KCTD7: variants seen among roughly 807,000 people sequenced by gnomAD.
KCTD7 encodes the protein potassium channel tetramerization domain containing 7.
In KCTD7, 15 loss-of-function variants were observed where a neutral mutation model predicts 27.0. The observed-to-expected ratio is 0.56, with a 90% confidence interval of 0.37 to 0.86. The LOEUF is 0.86. Among genes scored for constraint, KCTD7 ranks in the 40% least tolerant of loss-of-function variants. The pLI is 0.00. For synonymous variants in KCTD7, 159 were observed against 162.7 expected, an observed-to-expected ratio of 0.98 and a Z score of 0.17; for missense variants, 299 against 398.9, an observed-to-expected ratio of 0.75 and a Z score of 2.13.
intron 1 of KCTD7, among the ~76,000 whole-genome samples, chr7:66,632,393 A>G (rs983646750): frequency 6.6e-6 from 1 of 151,318 alleles, no homozygotes; most frequent in African/African-American, 2.4e-5. Context: ...AGGCTGAGGC[A>G]GGAGAATGGT....
At chr7:66,633,804 A>C (rs1786510558) in intron 2 of KCTD7, among the ~76,000 whole-genome samples, 1 of 151,884 alleles carries the variant, frequency 6.6e-6, no homozygotes, top group Admixed American at 6.6e-5. Context: ...TCATTACAGC[A>C]TGGTGAAACC....
chr7:66,630,719 AT>A (rs1215931973), intron 1 of KCTD7, among the ~76,000 whole-genome samples: 1 of 152,194 alleles, frequency 6.6e-6, no homozygotes, highest in Non-Finnish European at 1.5e-5. Context: ...CAGTGGTGCT[AT>A]TTTTTTGTGC....
rs961424846 is a variant in KCTD7 at position 66,641,113 on chromosome 7, G to C, written c.*1881G>C. The C allele has an allele frequency of 2.0e-6, 2 of 985,396 alleles. No individual in the cohort carries two copies. The highest frequency in any genetic ancestry group is 2.4e-6 in the Non-Finnish European group (2 of 829,926). 61.0% of individuals were successfully genotyped at this position (985,396 alleles called of 1,614,324 possible). A position where few individuals can be genotyped will look rare whatever the true frequency, so the allele number is the denominator to read the frequency against. On this transcript the variant is annotated 3_prime_UTR_variant, in exon 4 of 4. Coordinates refer to ENST00000639828, the MANE Select transcript of KCTD7 (RefSeq NM_153033.5). ...TGGATACTGAGATCTAAGAGGAAAGGATAGTCATTCACGTTCTGAGATATG... is the reference window on the plus strand; with the variant it reads ...TGGATACTGAGATCTAAGAGGAAAGCATAGTCATTCACGTTCTGAGATATG...
At position 66,629,214 on chromosome 7, in the gene KCTD7, CGGGCGGGCGGCGGGCCGCGGGGCGTG is replaced by C; in HGVS notation, c.144+10_144+35del. ...TGCCCCTGCTGCCACAGGAGGTACC[CGGGCGGGCGGCGGGCCGCGGGGCGTG>C]GGGAGGGGCGCGGGGGAGAAGCGGG... On this transcript the variant is annotated splice_region_variant and intron_variant, in intron 1 of 3. Coordinates refer to ENST00000639828, the MANE Select transcript of KCTD7 (RefSeq NM_153033.5). 8.2e-7 allele frequency: 1 copy of C among 1,223,694 alleles called. No homozygotes were observed. Among genetic ancestry groups the C allele is most frequent in the Non-Finnish European group, 1.0e-6 (1 of 968,428 alleles). 75.8% of individuals were successfully genotyped at this position (1,223,694 alleles called of 1,614,324 possible). A position where few individuals can be genotyped will look rare whatever the true frequency, so the allele number is the denominator to read the frequency against.
intron 1 of KCTD7, among the ~76,000 whole-genome samples, chr7:66,629,970 A>G (rs146561940): frequency 6.6e-6 from 1 of 152,156 alleles, no homozygotes; most frequent in Admixed American, 6.5e-5. Flanking sequence ...CTGAAATGAC[A>G]CTCAAGAGAC....
At chr7:66,636,586 G>A (rs1244474057) in intron 2 of KCTD7, among the ~76,000 whole-genome samples, 2 of 151,802 alleles carry the variant, frequency 1.3e-5, no homozygotes, top group Non-Finnish European at 2.9e-5. Flanking sequence ...TCTTCCGCAC[G>A]TACGGGTGAT....
In KCTD7 at chr7:66,642,664, T is replaced by A; in HGVS notation, c.*3432T>A. On this transcript the variant is annotated 3_prime_UTR_variant, in exon 4 of 4. Coordinates refer to ENST00000639828, the MANE Select transcript of KCTD7 (RefSeq NM_153033.5). ...TAAGCTTTCTTGGGTACTATTTTGC[T>A]GGGGCTCTTGCGTGAAGGTGGTACC... is the stretch of plus-strand genomic sequence containing the variant. 12 of 985,434 alleles carry A rather than the reference T, an allele frequency of 1.2e-5. No individual in the cohort carries two copies. Among genetic ancestry groups the A allele is most frequent in the Non-Finnish European group, 1.4e-5 (12 of 829,936 alleles). The allele number at this position is 985,434 out of a possible 1,614,324, so 61.0% of individuals were successfully genotyped here.
Position 66,638,991 on chromosome 7 carries a change from T to C in KCTD7, c.629T>C (p.Leu210Pro). Residue 210 changes from leucine to proline, a missense_variant, in exon 4 of 4, where the codon CTG becomes CCG. Transcript: ENST00000639828. ...TPYECPLLNSLRFERSESDGQ... is the reference protein window; with the variant it reads ...TPYECPLLNSPRFERSESDGQ... ...TATGAGTGTCCGCTCCTCAACTCCCTGCGATTTGAGCGGAGTGAGAGTGAC... is the reference window on the plus strand; with the variant it reads ...TATGAGTGTCCGCTCCTCAACTCCCCGCGATTTGAGCGGAGTGAGAGTGAC... The C allele has an allele frequency of 6.2e-7, 1 of 1,614,192 alleles. No homozygotes were observed.
intron 2 of KCTD7, among the ~76,000 whole-genome samples, chr7:66,637,951 C>T (rs1323940166): frequency 6.6e-6 from 1 of 151,956 alleles, no homozygotes; most frequent in Non-Finnish European, 1.5e-5. Flanking sequence ...CCTAATAATA[C>T]CTAATATTAT....
Position 66,642,913 on chromosome 7 carries a change from C to A in KCTD7, c.*3681C>A, listed in dbSNP as rs752038804. ...AGTGTGGGAGGTCACCTGGGTCCGTCGTCTTCCTTCTGTATGGTGTTGGGT... is the reference window on the plus strand; with the variant it reads ...AGTGTGGGAGGTCACCTGGGTCCGTAGTCTTCCTTCTGTATGGTGTTGGGT... On this transcript the variant is annotated 3_prime_UTR_variant, in exon 4 of 4. Coordinates refer to ENST00000639828, the MANE Select transcript of KCTD7 (RefSeq NM_153033.5). 1 of 985,372 alleles carries A rather than the reference C, an allele frequency of 1.0e-6. No individual in the cohort carries two copies. The highest frequency in any genetic ancestry group is 1.7e-5 in the African/African-American group (1 of 57,296). The allele number at this position is 985,372 out of a possible 1,614,324, so 61.0% of individuals were successfully genotyped here.
In KCTD7 at chr7:66,642,195, C is replaced by T. The variant is rs1231590448; in HGVS notation, c.*2963C>T. 2.0e-6 allele frequency: 2 copies of T among 985,338 alleles called. No homozygotes were observed. Among genetic ancestry groups the T allele is most frequent in the African/African-American group, 3.5e-5 (2 of 57,258 alleles). 61.0% of individuals were successfully genotyped at this position (985,338 alleles called of 1,614,324 possible). A position where few individuals can be genotyped will look rare whatever the true frequency, so the allele number is the denominator to read the frequency against. ...CAAAACCACACTGAAATGCATCCCA[C>T]TCCAGGAGAGGAATTCTTAGCGTAA... On this transcript the variant is annotated 3_prime_UTR_variant, in exon 4 of 4. Coordinates refer to ENST00000639828, the MANE Select transcript of KCTD7 (RefSeq NM_153033.5).
chr7:66,635,850 G>A (rs1786573691), intron 2 of KCTD7, among the ~76,000 whole-genome samples: 1 of 151,792 alleles, frequency 6.6e-6, no homozygotes, highest in African/African-American at 2.4e-5. Flanking sequence ...GCCCCAGCTA[G>A]CAGCTCCCAC....
At position 66,629,003 on chromosome 7, in the gene KCTD7, G is replaced by A; in HGVS notation, c.-62G>A. The A allele has an allele frequency of 6.9e-7, 1 of 1,458,120 alleles. No homozygotes were observed. The highest frequency in any genetic ancestry group is 2.4e-5 in the Admixed American group (1 of 42,338). The allele number at this position is 1,458,120 out of a possible 1,614,324, so 90.3% of individuals were successfully genotyped here. On this transcript the variant is annotated 5_prime_UTR_variant, in exon 1 of 4. Coordinates refer to ENST00000639828, the MANE Select transcript of KCTD7 (RefSeq NM_153033.5). ...ATGCCAGGCGCTGCTCGGCGGTAGGGAGTGCCCGGGGCCGCCGCCTCCGCC... is the reference window on the plus strand; with the variant it reads ...ATGCCAGGCGCTGCTCGGCGGTAGGAAGTGCCCGGGGCCGCCGCCTCCGCC...
chr7:66,629,998 A>T (rs994614552), intron 1 of KCTD7, among the ~76,000 whole-genome samples: 33 of 152,222 alleles, frequency 2.2e-4, no homozygotes, highest in Non-Finnish European at 1.5e-5. Context: ...GATACCAGGC[A>T]TGGTGGCTCA....
intron 1 of KCTD7, among the ~76,000 whole-genome samples, chr7:66,630,215 T>C (rs926798935): frequency 1.3e-5 from 2 of 152,104 alleles, no homozygotes; most frequent in African/African-American, 4.8e-5. Flanking sequence ...TGCAGTGAGC[T>C]GTAATTGTGC....
At position 66,641,531 on chromosome 7, in the gene KCTD7, C is replaced by A; in HGVS notation, c.*2299C>A. On this transcript the variant is annotated 3_prime_UTR_variant, in exon 4 of 4. Coordinates refer to ENST00000639828, the MANE Select transcript of KCTD7 (RefSeq NM_153033.5). Reference sequence around the variant, plus strand: ...GGTCCTGAAGGCTTGCTTAGGATTACAGGGATGCTGGGTAAGAACACCGTT... The same window carrying A: ...GGTCCTGAAGGCTTGCTTAGGATTAAAGGGATGCTGGGTAAGAACACCGTT... 1 of 985,392 alleles carries A rather than the reference C, an allele frequency of 1.0e-6. No homozygotes were observed. The highest frequency in any genetic ancestry group is 1.7e-5 in the African/African-American group (1 of 57,344). The allele number at this position is 985,392 out of a possible 1,614,324, so 61.0% of individuals were successfully genotyped here.
Position 66,639,698 on chromosome 7 carries a change from A to G in KCTD7, c.*466A>G. The G allele has an allele frequency of 8.0e-7, 1 of 1,254,508 alleles. No individual in the cohort carries two copies. 77.7% of individuals were successfully genotyped at this position (1,254,508 alleles called of 1,614,324 possible). On this transcript the variant is annotated 3_prime_UTR_variant, in exon 4 of 4. Coordinates refer to ENST00000639828, the MANE Select transcript of KCTD7 (RefSeq NM_153033.5). ...AACATGATGGGGGATTTACCTGACCAGCCACCCCATAGCCCCTGGCTGAAG... is the reference window on the plus strand; with the variant it reads ...AACATGATGGGGGATTTACCTGACCGGCCACCCCATAGCCCCTGGCTGAAG...
At position 66,641,690 on chromosome 7, in the gene KCTD7, C is replaced by CT. The variant is rs1347271017; in HGVS notation, c.*2459dup. 28 of 985,322 alleles carry CT rather than the reference C, an allele frequency of 2.8e-5. No individual in the cohort carries two copies. The highest frequency in any genetic ancestry group is 3.3e-5 in the Non-Finnish European group (27 of 829,946). The allele number at this position is 985,322 out of a possible 1,614,324, so 61.0% of individuals were successfully genotyped here. On this transcript the variant is annotated 3_prime_UTR_variant, in exon 4 of 4. Coordinates refer to ENST00000639828, the MANE Select transcript of KCTD7 (RefSeq NM_153033.5). Reference sequence around the variant, plus strand: ...CAGAGAGGTGACACTGGGCAGCAAGCTGAGAGCTCTTTCTAAATGGAGTGA... The same window carrying CT: ...CAGAGAGGTGACACTGGGCAGCAAGCTTGAGAGCTCTTTCTAAATGGAGTGA...
Position 66,641,108 on chromosome 7 carries a change from G to GA in KCTD7, c.*1879dup, listed in dbSNP as rs1436984939. The GA allele has an allele frequency of 2.0e-6, 2 of 985,264 alleles. No homozygotes were observed. Among genetic ancestry groups the GA allele is most frequent in the African/African-American group, 3.5e-5 (2 of 57,216 alleles). The allele number at this position is 985,264 out of a possible 1,614,324, so 61.0% of individuals were successfully genotyped here. A position where few individuals can be genotyped will look rare whatever the true frequency, so the allele number is the denominator to read the frequency against. On this transcript the variant is annotated 3_prime_UTR_variant, in exon 4 of 4. Coordinates refer to ENST00000639828, the MANE Select transcript of KCTD7 (RefSeq NM_153033.5). ...AGAGGTGGATACTGAGATCTAAGAG[G>GA]AAAGGATAGTCATTCACGTTCTGAG...
Sources: allele counts gnomAD v4.1 joint callset (sites outside exome capture counted in the v4.1 genomes callset), GRCh38; gene constraint gnomAD v4.1.1; transcripts MANE v1.5; gene names NCBI Gene and HGNC (gene_info 2026-07-23, HGNC 2026-07-21).